Variants in CACNA2D2 observed in about 807,000 individuals in gnomAD.
The protein encoded by CACNA2D2 is calcium voltage-gated channel auxiliary subunit alpha2delta 2.
In CACNA2D2, 48 loss-of-function variants were observed where a neutral mutation model predicts 166.4. That is an observed-to-expected ratio of 0.29 (90% CI 0.23 to 0.37). The LOEUF (loss-of-function observed/expected upper bound fraction) is 0.37, where lower values mean the gene tolerates loss of function less well. Among genes scored for constraint, CACNA2D2 ranks in the 10% least tolerant of loss-of-function variants. The pLI is 1.00. For missense variants in CACNA2D2, 1,122 were observed against 1,433.0 expected (o/e 0.78, Z 3.50); for synonymous variants, 561 against 573.7 (o/e 0.98, Z 0.32).
chr3:50,496,290 T>TC (rs2107177781), intron 1 of CACNA2D2, among the ~76,000 whole-genome samples: 1 of 151,812 alleles, frequency 6.6e-6, no homozygotes, highest in South Asian at 2.1e-4. Context: ...CACACGAGAA[T>TC]GCCCATGCAC....
intron 17 of CACNA2D2, among the ~76,000 whole-genome samples, chr3:50,377,173 C>T (rs1340961184): frequency 6.6e-6 from 1 of 152,188 alleles, no homozygotes; most frequent in African/African-American, 2.4e-5. Context: ...CATAGCCATG[C>T]CCATTGTTTA....
At chr3:50,500,755 AC>A (rs1159068346) in intron 1 of CACNA2D2, among the ~76,000 whole-genome samples, 2 of 22,226 alleles carry the variant, frequency 9.0e-5, no homozygotes, top group African/African-American at 1.9e-4. Flanking sequence ...CAACCCCCCC[AC>A]CCCCCGCCCA....
Position 50,379,305 on chromosome 3 carries a change from C to A in CACNA2D2, c.1153-106G>T, listed in dbSNP as rs1188439084. 1.4e-6 allele frequency: 2 copies of A among 1,441,910 alleles called. No individual in the cohort carries two copies. Among genetic ancestry groups the A allele is most frequent in the African/African-American group, 1.4e-5 (1 of 71,392 alleles). The allele number at this position is 1,441,910 out of a possible 1,614,324, so 89.3% of individuals were successfully genotyped here. ...GACCTCTGGCCCTCCTCCCCCACAG[C>A]AGATGGAGCTATCTGTCCAAGCTGC... On this transcript the variant is annotated intron_variant, in intron 11 of 37. Coordinates refer to ENST00000424201, the MANE Select transcript of CACNA2D2 (RefSeq NM_006030.4). This position sits in a 1 kb window ranked among gnomAD's most constrained non-coding sequence, Gnocchi z 6.5.
Position 50,387,313 on chromosome 3 carries a change from GCC to G in CACNA2D2, c.510+253_510+254del, listed in dbSNP as rs1438094905. Among the ~76,000 whole-genome samples the G allele has an allele frequency of 2.9e-3, 448 of 152,288 alleles. 3 individuals carry two copies. The highest frequency in any genetic ancestry group is 1.0e-2 in the African/African-American group (415 of 41,566). The stretch of plus-strand genomic sequence containing the variant: ...GCTCTCTCCATCTGGGACCTAAACT[GCC>G]CCGTGCGGGAAGGGCCAAGCGCCTC... On this transcript the variant is annotated intron_variant, in intron 5 of 37. Transcript: ENST00000424201.
In CACNA2D2 at chr3:50,393,976, C is replaced by T. The variant is rs183799612; in HGVS notation, c.465+133G>A. The T allele has an allele frequency of 1.4e-5, 10 of 729,490 alleles. No homozygotes were observed. In the African/African-American group the frequency reaches 1.7e-4, roughly 13 times the overall value. 45.2% of individuals were successfully genotyped at this position (729,490 alleles called of 1,614,324 possible). On this transcript the variant is annotated intron_variant, in intron 4 of 37. Transcript: ENST00000424201. ...CCTGGAGTAATTGCTGAATGTTGGA[C>T]ACCGGCTTCTGGCTCTACTCCACAG...
At chr3:50,383,066 G>C (rs587631838) in intron 6 of CACNA2D2, among the ~76,000 whole-genome samples, 1 of 152,372 alleles carries the variant, frequency 6.6e-6, no homozygotes, top group South Asian at 2.1e-4. Flanking sequence ...TTAATTAAAA[G>C]TGACACAGTA....
At position 50,367,288 on chromosome 3, in the gene CACNA2D2, C is replaced by G. The variant is rs1335987491; in HGVS notation, c.2401+106G>C. The G allele has an allele frequency of 7.8e-6, 9 of 1,156,094 alleles. No individual in the cohort carries two copies. The highest frequency in any genetic ancestry group is 1.2e-5 in the Non-Finnish European group (9 of 781,934). The allele number at this position is 1,156,094 out of a possible 1,614,324, so 71.6% of individuals were successfully genotyped here. Reference sequence around the variant, plus strand: ...TCACGTCTGCCCTGGCCTCAGCCAGCCTTGTGTTGGAGAGGGGCCTCAGAC... The same window carrying G: ...TCACGTCTGCCCTGGCCTCAGCCAGGCTTGTGTTGGAGAGGGGCCTCAGAC... On this transcript the variant is annotated intron_variant, in intron 27 of 37. Coordinates refer to ENST00000424201, the MANE Select transcript of CACNA2D2 (RefSeq NM_006030.4). The surrounding 1 kb of genome is among the most constrained non-coding windows in gnomAD (Gnocchi z 6.5).
intron 3 of CACNA2D2, among the ~76,000 whole-genome samples, chr3:50,430,534 T>C (rs1708017012): frequency 6.6e-6 from 1 of 151,932 alleles, no homozygotes; most frequent in Admixed American, 6.6e-5. Context: ...GGACTGAGAG[T>C]TCCACAAGGG....
chr3:50,442,328 A>G (rs1708638229), intron 2 of CACNA2D2, among the ~76,000 whole-genome samples: 1 of 152,204 alleles, frequency 6.6e-6, no homozygotes, highest in Non-Finnish European at 1.5e-5. Flanking sequence ...GCAGGACCAA[A>G]GCCATCCACG....
chr3:50,401,236 G>A (rs1024398302), intron 3 of CACNA2D2, among the ~76,000 whole-genome samples: 3 of 133,462 alleles, frequency 2.2e-5, no homozygotes, highest in African/African-American at 3.4e-5. Flanking sequence ...TCTGCAAATT[G>A]ATAAAAAAAA....
In CACNA2D2 at chr3:50,377,763, T is replaced by C. The variant is rs1705066492; in HGVS notation, c.1520A>G (p.Asn507Ser). The change falls in exon 16 of 38, where the codon AAC becomes AGC. Residue 507 changes from asparagine to serine, a missense_variant. By Grantham distance (46) the Asn-to-Ser change is conservative. Transcript: ENST00000424201. ...LVVTGTLPVFNLTQDGPGEKK... is the reference protein window; with the variant it reads ...LVVTGTLPVFSLTQDGPGEKK... ...TTCCCCAGGGCCATCCTGTGTCAGGTTGAAAACAGGGAGGGTCCCTGTTAC... is the reference window on the plus strand; with the variant it reads ...TTCCCCAGGGCCATCCTGTGTCAGGCTGAAAACAGGGAGGGTCCCTGTTAC... 2.5e-6 allele frequency: 4 copies of C among 1,613,296 alleles called. No individual in the cohort carries two copies. Among genetic ancestry groups the C allele is most frequent in the East Asian group, 2.2e-5 (1 of 44,870 alleles).
chr3:50,365,697 C>T lies in CACNA2D2; in HGVS notation c.2916-9G>A. On this transcript the variant is annotated splice_polypyrimidine_tract_variant and intron_variant, in intron 33 of 37. Transcript: ENST00000424201. The surrounding 1 kb of genome is among the most constrained non-coding windows in gnomAD (Gnocchi z 4.5). ...GCTGCTGGAACAGGGACCTGCAGCG[C>T]ACGGGGAGCCGAGTGCAGGTGGTCA... The T allele has an allele frequency of 6.3e-7, 1 of 1,591,474 alleles. No individual in the cohort carries two copies. Among genetic ancestry groups the T allele is most frequent in the Middle Eastern group, 1.7e-4 (1 of 6,024 alleles).
At position 50,367,964 on chromosome 3, in the gene CACNA2D2, AC is replaced by A; in HGVS notation, c.2144-63del. The A allele has an allele frequency of 7.7e-7, 1 of 1,291,196 alleles. No individual in the cohort carries two copies. The highest frequency in any genetic ancestry group is 1.1e-6 in the Non-Finnish European group (1 of 904,246). 80.0% of individuals were successfully genotyped at this position (1,291,196 alleles called of 1,614,324 possible). On this transcript the variant is annotated intron_variant, in intron 24 of 37. Transcript: ENST00000424201. The surrounding 1 kb of genome is among the most constrained non-coding windows in gnomAD (Gnocchi z 6.5). The stretch of plus-strand genomic sequence containing the variant: ...TTCTTGCAGCTCCTTGCCCACCCTC[AC>A]CCCCACCCTTAAGGCTCCACCAGGA...
chr3:50,435,865 C>A (rs183188022), intron 2 of CACNA2D2, among the ~76,000 whole-genome samples: 1 of 152,144 alleles, frequency 6.6e-6, no homozygotes, highest in Non-Finnish European at 1.5e-5. Flanking sequence ...AATAAGGGGG[C>A]GAGACTTGAG....
At chr3:50,434,853 C>A (rs1338322050) in intron 2 of CACNA2D2, among the ~76,000 whole-genome samples, 1 of 152,236 alleles carries the variant, frequency 6.6e-6, no homozygotes, top group Non-Finnish European at 1.5e-5. Flanking sequence ...CATACCCCAT[C>A]CCAAAAAGAA....
chr3:50,485,241 G>A (rs182563780), intron 1 of CACNA2D2, among the ~76,000 whole-genome samples: 193 of 152,200 alleles, frequency 1.3e-3, no homozygotes, highest in South Asian at 3.5e-3. Context: ...CCCCCATGGA[G>A]CTCTCTCCTG....
At chr3:50,446,130 T>G (rs1317819855) in intron 2 of CACNA2D2, among the ~76,000 whole-genome samples, 1 of 152,212 alleles carries the variant, frequency 6.6e-6, no homozygotes, top group African/African-American at 2.4e-5. Flanking sequence ...ACTTCTAAGT[T>G]AAGTGTGCTA....
chr3:50,397,007 G>A (rs776104099), intron 3 of CACNA2D2, among the ~76,000 whole-genome samples: 7 of 152,186 alleles, frequency 4.6e-5, no homozygotes, highest in Non-Finnish European at 7.3e-5. Flanking sequence ...ACTCCTGGCT[G>A]GGGGGTTCCA....
Position 50,364,935 on chromosome 3 carries a change from G to T in CACNA2D2, c.3244C>A (p.Pro1082Thr), listed in dbSNP as rs13097796. 1 of 1,613,182 alleles carries T rather than the reference G, an allele frequency of 6.2e-7. No homozygotes were observed. Among genetic ancestry groups the T allele is most frequent in the Non-Finnish European group, 8.5e-7 (1 of 1,179,892 alleles). The change falls in exon 37 of 38, where the codon CCG becomes ACG. Residue 1082 changes from proline to threonine, a missense_variant. Pro to Thr is a conservative substitution (Grantham distance 38). Transcript: ENST00000424201. ...GPEQCELVQR[P>T]RYRRGPHICF... ...ATGTGCGGGCCTCTCCGGTATCGCG[G>T]TCTCTGCACTAGCTCACACTGCTCC... is the stretch of plus-strand genomic sequence containing the variant.
Sources: gnomAD v4.1 joint callset for allele counts (sites outside exome capture counted in the v4.1 genomes callset) on GRCh38, gnomAD v4.1.1 for gene constraint, Gnocchi (gnomAD v3.1) non-coding constraint, MANE v1.5 for transcripts, NCBI Gene and HGNC (gene_info 2026-07-23, HGNC 2026-07-21) for gene names.